Variants in FBXL17 observed in about 807,000 individuals in gnomAD.
FBXL17 encodes the protein F-box/LRR-repeat protein 17.
FBXL17 carries 22 observed loss-of-function variants against 66.2 expected under a neutral mutation model. That is an observed-to-expected ratio of 0.33 (90% confidence interval 0.24 to 0.47). FBXL17 has a LOEUF of 0.47. Among genes scored for constraint, FBXL17 ranks in the 20% least tolerant of loss-of-function variants. The pLI is 1.00. For missense variants in FBXL17, 878 were observed against 948.2 expected, an observed-to-expected ratio of 0.93 and a Z score of 0.97; for synonymous variants, 474 against 400.5, an observed-to-expected ratio of 1.18 and a Z score of -2.19.
At chr5:108,177,186 A>G (rs972933935) in intron 6 of FBXL17, among the ~76,000 whole-genome samples, 1 of 152,216 alleles carries the variant, frequency 6.6e-6, no homozygotes, top group African/African-American at 2.4e-5. Context: ...AAAATTCATT[A>G]GTGAAATTCT....
At chr5:107,909,947 A>G (rs1322340520) in intron 7 of FBXL17, among the ~76,000 whole-genome samples, 1 of 152,192 alleles carries the variant, frequency 6.6e-6, no homozygotes, top group South Asian at 2.1e-4. Flanking sequence ...TGCTGAATGT[A>G]TATGATACAC....
chr5:107,953,886 C>G (rs1222609825), intron 7 of FBXL17, among the ~76,000 whole-genome samples: 4 of 152,232 alleles, frequency 2.6e-5, no homozygotes, highest in Non-Finnish European at 5.9e-5. Flanking sequence ...TCTCTTTCCT[C>G]TAAAATCATA....
chr5:108,222,897 C>T (rs960788015), intron 5 of FBXL17, among the ~76,000 whole-genome samples: 2 of 151,980 alleles, frequency 1.3e-5, no homozygotes, highest in Admixed American at 6.6e-5. Flanking sequence ...TGATTTCAGA[C>T]TCCTGGCCTC....
chr5:108,112,701 C>T (rs1750085723), intron 6 of FBXL17, among the ~76,000 whole-genome samples: 1 of 151,940 alleles, frequency 6.6e-6, no homozygotes, highest in South Asian at 2.1e-4. Flanking sequence ...TATATTACTG[C>T]TCAAGAAGGA....
chr5:108,054,650 G>C (rs190883615), intron 6 of FBXL17, among the ~76,000 whole-genome samples: 1 of 152,308 alleles, frequency 6.6e-6, no homozygotes. Flanking sequence ...TGCTTGCCTG[G>C]AATAGAGTGG....
chr5:108,224,645 G>A (rs1755020692), intron 4 of FBXL17, among the ~76,000 whole-genome samples: 1 of 152,084 alleles, frequency 6.6e-6, no homozygotes, highest in African/African-American at 2.4e-5. Flanking sequence ...AGGATGGAGT[G>A]CAGTGGCACA....
At chr5:108,292,092 A>T (rs974628680) in intron 4 of FBXL17, among the ~76,000 whole-genome samples, 8 of 152,122 alleles carry the variant, frequency 5.3e-5, no homozygotes, top group African/African-American at 1.9e-4. Context: ...CTTAAAGGAT[A>T]AAAGCCAAAA....
chr5:108,299,084 T>C, intron 4 of FBXL17: 1 of 976,238 alleles, frequency 1.0e-6, no homozygotes, highest in Non-Finnish European at 1.2e-6. Context: ...TGTTTACTGC[T>C]ATTTTAAAAA....
chr5:108,248,375 C>T (rs996551839), intron 4 of FBXL17, among the ~76,000 whole-genome samples: 5 of 151,738 alleles, frequency 3.3e-5, no homozygotes, highest in South Asian at 2.1e-4. Flanking sequence ...AGTCAGTGAA[C>T]CTGAAGATAG....
chr5:108,016,291 C>T (rs947701533), intron 7 of FBXL17, among the ~76,000 whole-genome samples: 6 of 152,208 alleles, frequency 3.9e-5, no homozygotes, highest in Admixed American at 3.9e-4. Flanking sequence ...GAGCAGTCCA[C>T]GGGTCTGTGG....
chr5:108,188,646 C>T (rs1297733357), intron 5 of FBXL17, among the ~76,000 whole-genome samples: 1 of 152,184 alleles, frequency 6.6e-6, no homozygotes, highest in Non-Finnish European at 1.5e-5. Flanking sequence ...ACCTTTCTGG[C>T]TGTCTCAGCA....
chr5:108,081,496 C>T (rs1002765701), intron 6 of FBXL17, among the ~76,000 whole-genome samples: 4 of 151,946 alleles, frequency 2.6e-5, no homozygotes, highest in South Asian at 2.1e-4. Context: ...CCAAGGAGAG[C>T]GGATCACGAG....
chr5:107,910,429 A>T (rs900381451), intron 7 of FBXL17, among the ~76,000 whole-genome samples: 1 of 152,116 alleles, frequency 6.6e-6, no homozygotes, highest in Non-Finnish European at 1.5e-5. Flanking sequence ...CTCACTAAAA[A>T]GTATCCATCT....
intron 4 of FBXL17, among the ~76,000 whole-genome samples, chr5:108,231,216 CAA>C (rs914906195): frequency 2.0e-5 from 3 of 152,176 alleles, no homozygotes; most frequent in South Asian, 2.1e-4. Context: ...TATAATTCGT[CAA>C]GTTTTAATAA....
chr5:108,020,503 A>C (rs924588000), intron 7 of FBXL17, among the ~76,000 whole-genome samples: 2 of 151,984 alleles, frequency 1.3e-5, no homozygotes, highest in Non-Finnish European at 2.9e-5. Flanking sequence ...TAAAGTGTTA[A>C]GAAGTTTGGC....
At chr5:108,032,371 T>C (rs1305602205) in intron 6 of FBXL17, among the ~76,000 whole-genome samples, 3 of 152,066 alleles carry the variant, frequency 2.0e-5, no homozygotes, top group Non-Finnish European at 4.4e-5. Context: ...ATACCTGTAG[T>C]AGGCCGAACG....
intron 4 of FBXL17, among the ~76,000 whole-genome samples, chr5:108,289,968 G>A (rs146364703): frequency 3.3e-5 from 5 of 152,154 alleles, no homozygotes; most frequent in African/African-American, 9.6e-5. Context: ...TCACAAAAAC[G>A]CACAAATAAA....
At chr5:108,288,486 T>C (rs1376656448) in intron 4 of FBXL17, among the ~76,000 whole-genome samples, 2 of 151,548 alleles carry the variant, frequency 1.3e-5, no homozygotes, top group South Asian at 2.1e-4. Flanking sequence ...TGAGGTATGC[T>C]TGTAAACAAC....
intron 4 of FBXL17, among the ~76,000 whole-genome samples, chr5:108,322,364 A>G (rs990762939): frequency 6.6e-6 from 1 of 151,998 alleles, no homozygotes; most frequent in South Asian, 2.1e-4. Context: ...GGAGAAAAAA[A>G]GGGAACAATC....
Sources: allele counts gnomAD v4.1 joint callset (sites outside exome capture counted in the v4.1 genomes callset), GRCh38; gene constraint gnomAD v4.1.1; transcripts MANE v1.5; gene names NCBI Gene and HGNC (gene_info 2026-07-23, HGNC 2026-07-21).